The following SCMH1 variants were observed in gnomAD, a reference collection of about 807,000 sequenced individuals.
SCMH1 encodes polycomb protein SCMH1.
In SCMH1, 37 loss-of-function variants were observed where a neutral mutation model predicts 70.8. The observed-to-expected ratio is 0.52, with a 90% CI of 0.40 to 0.69. The LOEUF (loss-of-function observed/expected upper bound fraction) is 0.69. SCMH1 is among the 30% of genes least tolerant of loss of function. SCMH1 has a pLI of 0.00. For missense variants in SCMH1, 607 were observed against 827.3 expected (o/e 0.73, Z 3.27); for synonymous variants, 292 against 307.4 (o/e 0.95, Z 0.52).
At chr1:41,184,154 G>GA (rs1649557277) in intron 2 of SCMH1, among the ~76,000 whole-genome samples, 1 of 152,138 alleles carries the variant, frequency 6.6e-6, no homozygotes. Context: ...GCATTCCTGG[G>GA]ATGTCAGGGT....
chr1:41,028,292 G>A (rs750227720), exon 15 of SCMH1: 3 of 1,613,408 alleles, frequency 1.9e-6, no homozygotes, highest in East Asian at 2.2e-5. Flanking sequence ...TCACTGCGCA[G>A]CAGCAGCAGG....
At chr1:41,161,602 G>A in intron 2 of SCMH1, 170 bp from the exon 3 acceptor site, 2 of 677,236 alleles carry the variant, frequency 3.0e-6, no homozygotes, top group Non-Finnish European at 4.4e-6. Context: ...AAAAAGCCTT[G>A]GCATTGTTTA....
At chr1:41,109,104 G>C (rs370373699) in intron 8 of SCMH1, among the ~76,000 whole-genome samples, 20 of 152,296 alleles carry the variant, frequency 1.3e-4, no homozygotes, top group African/African-American at 4.1e-4. Context: ...TATTGGTCCT[G>C]ACAGGTGGCT....
intron 10 of SCMH1, among the ~76,000 whole-genome samples, chr1:41,055,028 C>T (rs1253097618): frequency 1.3e-5 from 2 of 152,010 alleles, no homozygotes; most frequent in African/African-American, 4.8e-5. Flanking sequence ...AGGAATCCTC[C>T]CACCTTGGCC....
chr1:41,232,315 A>C (rs1661460890), intron 1 of SCMH1, among the ~76,000 whole-genome samples: 1 of 152,368 alleles, frequency 6.6e-6, no homozygotes, highest in South Asian at 2.1e-4. Flanking sequence ...CGAGGAATCT[A>C]GTCATATATC....
chr1:41,171,726 C>T (rs1646794879), intron 2 of SCMH1, among the ~76,000 whole-genome samples: 1 of 151,742 alleles, frequency 6.6e-6, no homozygotes, highest in South Asian at 2.1e-4. Flanking sequence ...AAAATAGAAA[C>T]CAATAACAAG....
intron 1 of SCMH1, among the ~76,000 whole-genome samples, chr1:41,223,418 T>C (rs1187860998): frequency 1.3e-5 from 2 of 152,214 alleles, no homozygotes; most frequent in Non-Finnish European, 2.9e-5. Flanking sequence ...TTGGGTCCTC[T>C]CTGAGCCATC....
intron 2 of SCMH1, among the ~76,000 whole-genome samples, chr1:41,172,555 G>C (rs2148517395): frequency 6.6e-6 from 1 of 151,596 alleles, no homozygotes; most frequent in South Asian, 2.1e-4. Flanking sequence ...AAATACCAAT[G>C]ACATTCTTCA....
chr1:41,232,251 G>A (rs1247988502), intron 1 of SCMH1, among the ~76,000 whole-genome samples: 1 of 152,036 alleles, frequency 6.6e-6, no homozygotes, highest in Admixed American at 6.6e-5. Context: ...CAAACCAAAG[G>A]TTGAAGGGGT....
At chr1:41,216,402 G>A (rs1284198396) in intron 1 of SCMH1, among the ~76,000 whole-genome samples, 2 of 152,126 alleles carry the variant, frequency 1.3e-5, no homozygotes, top group Non-Finnish European at 2.9e-5. Flanking sequence ...CATCAATTAT[G>A]GGTCAGCTGC....
At chr1:41,209,877 G>A (rs10889890) in intron 1 of SCMH1, among the ~76,000 whole-genome samples, 11,872 of 152,266 alleles carry the variant, frequency 0.078, 594 homozygotes, top group South Asian at 0.13. Context: ...TCAGGCAAGA[G>A]AAAGAAATAA....
chr1:41,032,531 G>A (rs1314683576), intron 13 of SCMH1, among the ~76,000 whole-genome samples: 1 of 152,170 alleles, frequency 6.6e-6, no homozygotes, highest in Non-Finnish European at 1.5e-5. Flanking sequence ...AGATAACAGA[G>A]GACCCTGTAC....
intron 5 of SCMH1, among the ~76,000 whole-genome samples, chr1:41,147,879 T>G (rs1303477475): frequency 6.6e-6 from 1 of 152,152 alleles, no homozygotes; most frequent in African/African-American, 2.4e-5. Context: ...TAAAGCATAA[T>G]TTTTCCAATC....
intron 8 of SCMH1, among the ~76,000 whole-genome samples, chr1:41,089,787 C>CTTTCTTTTTTT (rs1662809254): frequency 1.7e-5 from 1 of 58,756 alleles, no homozygotes; most frequent in Non-Finnish European, 2.9e-5. Context: ...CATGTTGTCT[C>CTTTCTTTTTTT]TTTTTTTTTT....
At chr1:41,210,605 G>C (rs1421554268) in intron 1 of SCMH1, among the ~76,000 whole-genome samples, 1 of 152,174 alleles carries the variant, frequency 6.6e-6, no homozygotes, top group South Asian at 2.1e-4. Flanking sequence ...CAAGAAATAG[G>C]GGAAGGATTC....
intron 10 of SCMH1, among the ~76,000 whole-genome samples, chr1:41,059,529 C>T (rs1211815995): frequency 6.6e-6 from 1 of 152,156 alleles, no homozygotes; most frequent in Non-Finnish European, 1.5e-5. Context: ...CCATCCATCC[C>T]ACTGAGAGCC....
chr1:41,083,334 GACAA>G (rs1182992341), intron 8 of SCMH1, among the ~76,000 whole-genome samples: 5 of 152,226 alleles, frequency 3.3e-5, no homozygotes, highest in Middle Eastern at 3.4e-3. Context: ...ACCAGTATCA[GACAA>G]ACAGAGAGCC....
chr1:41,088,416 AG>A (rs1662365958), intron 8 of SCMH1, among the ~76,000 whole-genome samples: 1 of 152,152 alleles, frequency 6.6e-6, no homozygotes, highest in African/African-American at 2.4e-5. Context: ...CATAAAGATA[AG>A]GACAAAAACT....
In SCMH1 at chr1:41,094,445, G is replaced by C. The variant is rs143750001; in HGVS notation, c.745+18838C>G. Among the ~76,000 whole-genome samples, 203 of 152,194 alleles carry C rather than the reference G, an allele frequency of 1.3e-3. 2 individuals are homozygous for C. The highest frequency in any genetic ancestry group is 6.8e-3 in the Middle Eastern group (2 of 294). ...CTTGACCTTGAAGATGCTGTGAAAG[G>C]GTCTTGGGGATCCCAAGGATCCAAG... On this transcript the variant is annotated intron_variant, in intron 8 of 14. Transcript: ENST00000337495.
Sources: gnomAD v4.1 joint callset for allele counts (sites outside exome capture counted in the v4.1 genomes callset) on GRCh38, gnomAD v4.1.1 for gene constraint, MANE v1.5 for transcripts, NCBI Gene and HGNC (gene_info 2026-07-23, HGNC 2026-07-21) for gene names.